FSIP1: variants seen among roughly 807,000 people sequenced by gnomAD.
FSIP1 encodes fibrous sheath-interacting protein 1.
FSIP1 carries 65 observed loss-of-function variants against 60.9 expected under a neutral mutation model. The ratio of observed to expected loss-of-function variants is 1.07; its 90% CI spans 0.87 to 1.31. The LOEUF is 1.31. Ranked by LOEUF, FSIP1 falls within the 40% of genes most tolerant of loss-of-function variation. The pLI is 0.00. For missense variants in FSIP1, 675 were observed against 665.5 expected (o/e 1.01, Z -0.16); for synonymous variants, 209 against 221.2 (o/e 0.94, Z 0.49).
chr15:39,600,675 AT>A lies in FSIP1; in HGVS notation c.*204del. On this transcript the variant is annotated 3_prime_UTR_variant, in exon 12 of 12. Transcript: ENST00000350221. Reference sequence around the variant, plus strand: ...AAATTTATAAACAATGGTCCCAGAAATTTTAATGAGCAAAAACCACTGAACA... The same window carrying A: ...AAATTTATAAACAATGGTCCCAGAAATTTAATGAGCAAAAACCACTGAACA... 5 of 489,968 alleles carry A rather than the reference AT, an allele frequency of 1.0e-5. No individual in the cohort carries two copies. Among genetic ancestry groups the A allele is most frequent in the Non-Finnish European group, 1.8e-5 (5 of 278,254 alleles). The allele number at this position is 489,968 out of a possible 1,614,324, so 30.4% of individuals were successfully genotyped here. A position where few individuals can be genotyped will look rare whatever the true frequency, so the allele number is the denominator to read the frequency against.
chr15:39,658,513 G>A (rs1159265010), intron 10 of FSIP1, among the ~76,000 whole-genome samples: 1 of 152,108 alleles, frequency 6.6e-6, no homozygotes, highest in African/African-American at 2.4e-5. Context: ...GCCTCCCAAA[G>A]TGCTGGGATT....
intron 5 of FSIP1, chr15:39,747,236 G>A (rs1015262841): frequency 2.6e-5 from 4 of 152,018 alleles, no homozygotes; most frequent in African/African-American, 9.7e-5. Flanking sequence ...AGAAAGTCAA[G>A]AACAAAAAAT....
At chr15:39,769,278 CAAA>C (rs536401282) in intron 3 of FSIP1, among the ~76,000 whole-genome samples, 9 of 85,830 alleles carry the variant, frequency 1.0e-4, no homozygotes, top group Non-Finnish European at 5.0e-5. Flanking sequence ...GACTCCGTCT[CAAA>C]AAAAAAAAAA....
chr15:39,695,979 A>G (rs1040564059), intron 10 of FSIP1, among the ~76,000 whole-genome samples: 1 of 152,372 alleles, frequency 6.6e-6, no homozygotes. Context: ...TCGCAAGAAC[A>G]TAATTAGATG....
At chr15:39,644,988 C>A (rs1045472394) in intron 10 of FSIP1, among the ~76,000 whole-genome samples, 1 of 152,142 alleles carries the variant, frequency 6.6e-6, no homozygotes, top group Non-Finnish European at 1.5e-5. Flanking sequence ...GATATAAAAA[C>A]ATTTATCCAA....
chr15:39,634,500 T>C (rs1260982844), intron 10 of FSIP1, among the ~76,000 whole-genome samples: 1 of 152,204 alleles, frequency 6.6e-6, no homozygotes, highest in Non-Finnish European at 1.5e-5. Flanking sequence ...AGCTGAACAC[T>C]CTTCATCTGG....
chr15:39,760,183 C>G (rs1257553224), intron 5 of FSIP1, among the ~76,000 whole-genome samples: 1 of 152,070 alleles, frequency 6.6e-6, no homozygotes, highest in African/African-American at 2.4e-5. Context: ...AAAAATAATG[C>G]TGATGCACAT....
chr15:39,751,391 G>C (rs1897156393), intron 5 of FSIP1, among the ~76,000 whole-genome samples: 1 of 146,546 alleles, frequency 6.8e-6, no homozygotes. Flanking sequence ...ATTGGCAGAT[G>C]AATGGATAAA....
intron 2 of FSIP1, among the ~76,000 whole-genome samples, chr15:39,772,032 C>T (rs142026280): frequency 2.0e-5 from 3 of 152,192 alleles, no homozygotes; most frequent in African/African-American, 4.8e-5. Context: ...TTCAGCGTAC[C>T]CCAAGACCTT....
At chr15:39,670,428 A>G (rs1893671162) in intron 10 of FSIP1, among the ~76,000 whole-genome samples, 1 of 152,150 alleles carries the variant, frequency 6.6e-6, no homozygotes, top group African/African-American at 2.4e-5. Context: ...AATGAAAAGA[A>G]CCATATATTA....
chr15:39,705,997 CAAAA>C (rs35710055), intron 10 of FSIP1, among the ~76,000 whole-genome samples: 4 of 115,398 alleles, frequency 3.5e-5, no homozygotes, highest in Admixed American at 9.0e-5. Flanking sequence ...GACTCGGTCT[CAAAA>C]AAAAAAAAAA....
intron 9 of FSIP1, among the ~76,000 whole-genome samples, chr15:39,725,564 T>C (rs1057218058): frequency 2.0e-5 from 3 of 152,244 alleles, no homozygotes; most frequent in Non-Finnish European, 4.4e-5. Flanking sequence ...GCTACTGATA[T>C]TTAAATCTTT....
At chr15:39,726,844 C>CACACACAA in intron 8 of FSIP1, 97 bp from the exon 9 acceptor site, 1 of 657,192 alleles carries the variant, frequency 1.5e-6, no homozygotes, top group East Asian at 2.8e-5. Context: ...TCTTCACATA[C>CACACACAA]ACACACAAAC....
At chr15:39,714,465 C>G (rs1194050508) in intron 9 of FSIP1, among the ~76,000 whole-genome samples, 1 of 150,494 alleles carries the variant, frequency 6.6e-6, no homozygotes, top group African/African-American at 2.5e-5. Context: ...CTCCCTCATT[C>G]CTTACATAGA....
intron 10 of FSIP1, among the ~76,000 whole-genome samples, chr15:39,670,611 T>C (rs1280933271): frequency 6.6e-6 from 1 of 152,148 alleles, no homozygotes; most frequent in Non-Finnish European, 1.5e-5. Flanking sequence ...TGAAGAAAGG[T>C]CAGCCTGGAA....
At chr15:39,723,302 C>G (rs1456310203) in intron 9 of FSIP1, among the ~76,000 whole-genome samples, 1 of 152,184 alleles carries the variant, frequency 6.6e-6, no homozygotes, top group Non-Finnish European at 1.5e-5. Context: ...GATCTTGGCT[C>G]ACTGCAAGCT....
chr15:39,691,708 G>A (rs1676608445), intron 10 of FSIP1, among the ~76,000 whole-genome samples: 1 of 152,092 alleles, frequency 6.6e-6, no homozygotes, highest in Non-Finnish European at 1.5e-5. Context: ...GGAAGTACTG[G>A]ACTGAAAGTG....
chr15:39,631,497 C>G (rs951832652), intron 10 of FSIP1, among the ~76,000 whole-genome samples: 2 of 152,192 alleles, frequency 1.3e-5, no homozygotes, highest in Non-Finnish European at 2.9e-5. Context: ...AAAGTATTCT[C>G]CATATCACCC....
chr15:39,688,184 C>G (rs1256823264), intron 10 of FSIP1, among the ~76,000 whole-genome samples: 1 of 152,186 alleles, frequency 6.6e-6, no homozygotes, highest in East Asian at 1.9e-4. Context: ...TAAAAGAAAC[C>G]ACAACTTCAG....
Sources: allele counts gnomAD v4.1 joint callset (sites outside exome capture counted in the v4.1 genomes callset), GRCh38; gene constraint gnomAD v4.1.1; transcripts MANE v1.5; gene names NCBI Gene and HGNC (gene_info 2026-07-23, HGNC 2026-07-21).